The following CSMD2 variants were observed in gnomAD, a reference collection of about 807,000 sequenced individuals.
CSMD2 encodes the protein CUB and Sushi multiple domains 2.
CSMD2 carries 130 observed loss-of-function variants against 398.5 expected under a neutral mutation model. That is an observed-to-expected ratio of 0.33 (90% CI 0.28 to 0.38). The LOEUF is 0.38. Among genes scored for constraint, CSMD2 ranks in the 10% least tolerant of loss-of-function variants. The pLI, the probability that CSMD2 is intolerant of heterozygous loss-of-function variation, is 1.00. For missense variants in CSMD2, 3,829 were observed against 4,764.9 expected, an observed-to-expected ratio of 0.80 and a Z score of 5.78; for synonymous variants, 1,828 against 1,908.5, an observed-to-expected ratio of 0.96 and a Z score of 1.10.
rs139496385 is a variant in CSMD2 at position 33,714,779 on chromosome 1, G to A, written c.3218-4C>T. ...TCACAGGGCTCCAAGTCGTACTCTG[G>A]AAAGGTAGCAGGAGATCCGGGCTCA... On this transcript the variant is annotated splice_region_variant and splice_polypyrimidine_tract_variant and intron_variant, in intron 20 of 70. Coordinates refer to ENST00000373381, the MANE Select transcript of CSMD2 (RefSeq NM_001281956.2). 3 of 1,613,774 alleles carry A rather than the reference G, an allele frequency of 1.9e-6. No homozygotes were observed. The highest frequency in any genetic ancestry group is 8.5e-7 in the Non-Finnish European group (1 of 1,179,814).
In CSMD2 at chr1:33,519,588, T is replaced by A; in HGVS notation, c.10826A>T (p.Asn3609Ile). Reference sequence around the variant, plus strand: ...GGCCATGATGTCTGTGGGCTGGATGTTGCGGTCGTACATTGGGTTCTCAAA... The same window carrying A: ...GGCCATGATGTCTGTGGGCTGGATGATGCGGTCGTACATTGGGTTCTCAAA... ...ATFENPMYDR[N>I]IQPTDIMASE... The change falls in exon 70 of 71, where the codon AAC becomes ATC. Residue 3609 changes from asparagine to isoleucine, a missense_variant. Around this residue, in one of 5 missense-constraint regions of CSMD2, gnomAD observed 917 missense variants for 1,199.5 expected, o/e 0.76. Transcript: ENST00000373381. This position sits in a 1 kb window ranked among gnomAD's most constrained non-coding sequence, Gnocchi z 5.6. 6.2e-7 allele frequency: 1 copy of A among 1,614,050 alleles called. No homozygotes were observed. Among genetic ancestry groups the A allele is most frequent in the Non-Finnish European group, 8.5e-7 (1 of 1,180,002 alleles).
chr1:34,096,190 G>T (rs1241379489), intron 1 of CSMD2, among the ~76,000 whole-genome samples: 1 of 151,918 alleles, frequency 6.6e-6, no homozygotes, highest in Admixed American at 6.6e-5. Context: ...TGCAGAAAAG[G>T]CCTTTGACAA....
chr1:33,638,454 C>A (rs537562041), intron 29 of CSMD2, among the ~76,000 whole-genome samples: 3 of 152,248 alleles, frequency 2.0e-5, no homozygotes, highest in African/African-American at 7.2e-5. Context: ...CTTTCCCCAC[C>A]TTCATCCATC....
At chr1:33,965,879 C>T (rs116524713) in intron 3 of CSMD2, among the ~76,000 whole-genome samples, 233 of 152,316 alleles carry the variant, frequency 1.5e-3, no homozygotes, top group African/African-American at 5.2e-3. Context: ...TTCCATAAGC[C>T]ATATGACTGG....
At chr1:33,801,760 T>C (rs1449998413) in intron 10 of CSMD2, among the ~76,000 whole-genome samples, 5 of 152,028 alleles carry the variant, frequency 3.3e-5, no homozygotes. Context: ...GGGATAGGAA[T>C]TTGCCTGGAG....
At chr1:33,971,984 C>T (rs1645788399) in intron 3 of CSMD2, among the ~76,000 whole-genome samples, 2 of 152,154 alleles carry the variant, frequency 1.3e-5, no homozygotes, top group African/African-American at 4.8e-5. Context: ...CACTGGTACT[C>T]CCTAGGGAAG....
At chr1:33,819,470 T>A (rs1357847049) in intron 9 of CSMD2, among the ~76,000 whole-genome samples, 2 of 152,174 alleles carry the variant, frequency 1.3e-5, no homozygotes, top group Non-Finnish European at 2.9e-5. Flanking sequence ...GACTGTAAGG[T>A]CCATGCAGGG....
At chr1:33,981,939 G>T (rs1646184390) in intron 3 of CSMD2, among the ~76,000 whole-genome samples, 1 of 152,168 alleles carries the variant, frequency 6.6e-6, no homozygotes, top group African/African-American at 2.4e-5. Flanking sequence ...AGGGCAGTAT[G>T]GGAGGCCTGT....
intron 25 of CSMD2, among the ~76,000 whole-genome samples, chr1:33,668,624 GTCT>G (rs1185755394): frequency 2.0e-5 from 3 of 152,182 alleles, no homozygotes; most frequent in Non-Finnish European, 4.4e-5. Context: ...TGAACACTGG[GTCT>G]TCTTCTGGCT....
chr1:33,612,927 T>C (rs976655756), intron 40 of CSMD2, among the ~76,000 whole-genome samples: 1 of 152,232 alleles, frequency 6.6e-6, no homozygotes, highest in African/African-American at 2.4e-5. Flanking sequence ...CTGAGGAGCC[T>C]GTGCTTTCCA....
intron 13 of CSMD2, among the ~76,000 whole-genome samples, chr1:33,759,327 T>TTTTG (rs1553196463): frequency 1.5e-5 from 2 of 134,088 alleles, no homozygotes; most frequent in African/African-American, 5.5e-5. Context: ...TTTTTTTCTT[T>TTTTG]TTTTTTTTTT....
intron 26 of CSMD2, among the ~76,000 whole-genome samples, chr1:33,661,681 A>T (rs1347842632): frequency 6.6e-6 from 1 of 152,252 alleles, no homozygotes; most frequent in Non-Finnish European, 1.5e-5. Flanking sequence ...CAAATTTATA[A>T]GTATAAAGCA....
At chr1:33,961,742 CCTTTCTCT>C (rs1645368374) in intron 3 of CSMD2, among the ~76,000 whole-genome samples, 1 of 152,100 alleles carries the variant, frequency 6.6e-6, no homozygotes, top group African/African-American at 2.4e-5. Flanking sequence ...AAATCCCCTC[CCTTTCTCT>C]CTTTCTCCCT....
At chr1:33,884,697 T>TAC (rs1359671249) in intron 5 of CSMD2, 1 of 152,340 alleles carries the variant, frequency 6.6e-6, no homozygotes, top group Admixed American at 6.5e-5. Context: ...CTGATAATGT[T>TAC]ACTCCCCTGC....
intron 3 of CSMD2, among the ~76,000 whole-genome samples, chr1:33,992,159 A>C (rs1646575513): frequency 6.6e-6 from 1 of 152,178 alleles, no homozygotes; most frequent in African/African-American, 2.4e-5. Flanking sequence ...GTCTCACAAT[A>C]ACAAAATTAC....
Position 33,792,472 on chromosome 1 carries a change from T to C in CSMD2, c.1501A>G (p.Thr501Ala), listed in dbSNP as rs1654443368. 6.2e-7 allele frequency: 1 copy of C among 1,613,792 alleles called. No homozygotes were observed. Among genetic ancestry groups the C allele is most frequent in the Non-Finnish European group, 8.5e-7 (1 of 1,179,970 alleles). The change falls in exon 11 of 71, where the codon ACG becomes GCG. Residue 501 changes from threonine to alanine, a missense_variant. Physicochemically the swap from Thr to Ala is moderately conservative, Grantham distance 58. This residue lies in a region of CSMD2 where 2,001 missense variants were observed against 2,567.1 expected (regional missense o/e 0.78). Coordinates refer to ENST00000373381, the MANE Select transcript of CSMD2 (RefSeq NM_001281956.2). Reference protein sequence around the residue: ...FDLERGYDTLTVGDGGQDGDQ... With the variant: ...FDLERGYDTLAVGDGGQDGDQ... ...CCATCCTGACCACCATCACCGACCGTCAGGGTGTCATAGCCCCTCTCCAAA... is the reference window on the plus strand; with the variant it reads ...CCATCCTGACCACCATCACCGACCGCCAGGGTGTCATAGCCCCTCTCCAAA...
intron 1 of CSMD2, among the ~76,000 whole-genome samples, chr1:34,096,968 A>C (rs1375839617): frequency 8.0e-5 from 12 of 150,380 alleles, no homozygotes; most frequent in Non-Finnish European, 1.5e-4. Flanking sequence ...ATCCTAAGCC[A>C]AAAGAACAAA....
At chr1:33,577,856 G>C (rs371576910) in intron 48 of CSMD2, among the ~76,000 whole-genome samples, 75 of 152,270 alleles carry the variant, frequency 4.9e-4, no homozygotes, top group African/African-American at 1.7e-3. Context: ...CTGCGACTGC[G>C]GGGGTGTGGA....
chr1:33,607,400 C>T (rs1008921026), intron 41 of CSMD2, among the ~76,000 whole-genome samples: 1 of 152,228 alleles, frequency 6.6e-6, no homozygotes, highest in Non-Finnish European at 1.5e-5. Flanking sequence ...CTGACAGAAA[C>T]AGCCTCAGTG....
Sources: allele counts gnomAD v4.1 joint callset (sites outside exome capture counted in the v4.1 genomes callset), GRCh38; gene constraint gnomAD v4.1.1; regional missense constraint gnomAD v4.1.1; non-coding constraint Gnocchi (gnomAD v3.1); transcripts MANE v1.5; gene names NCBI Gene and HGNC (gene_info 2026-07-23, HGNC 2026-07-21).